The following PSAT1 variants were observed in gnomAD, a reference collection of about 807,000 sequenced individuals.
PSAT1 encodes phosphoserine aminotransferase 1, also known as phosphoserine aminotransferase.
A neutral mutation model predicts 40.3 loss-of-function variants in PSAT1; 41 were observed. That is an observed-to-expected ratio of 1.02 (90% CI 0.79 to 1.32). PSAT1 has a LOEUF of 1.32. Among genes scored for constraint, PSAT1 ranks in the 40% most tolerant of loss-of-function variants. The pLI, the probability that PSAT1 is intolerant of heterozygous loss-of-function variation, is 0.00. For synonymous variants in PSAT1, 147 were observed against 170.5 expected (o/e 0.86, Z 1.07); for missense variants, 406 against 455.8 (o/e 0.89, Z 0.99).
At chr9:78,305,354 A>T (rs1428370206) in intron 4 of PSAT1, among the ~76,000 whole-genome samples, 1 of 152,178 alleles carries the variant, frequency 6.6e-6, no homozygotes, top group Non-Finnish European at 1.5e-5. Context: ...ACCTCAGGTG[A>T]TCCGCCTGCC....
Position 78,297,245 on chromosome 9 carries a change from C to T in PSAT1, c.35C>T (p.Pro12Leu), listed in dbSNP as rs1194662244. 1.2e-6 allele frequency: 2 copies of T among 1,602,018 alleles called. No homozygotes were observed. Among genetic ancestry groups the T allele is most frequent in the East Asian group, 2.2e-5 (1 of 44,684 alleles). The change falls in exon 1 of 9, where the codon CCT becomes CTT. Residue 12 changes from proline (P) to leucine (L), a missense_variant. Pro to Leu is a moderately conservative substitution (Grantham distance 98). Coordinates refer to ENST00000376588, the MANE Select transcript of PSAT1 (RefSeq NM_058179.4). ...CCCAGGCAGGTGGTCAACTTTGGGCCTGGTCCCGCCAAGCTGCCGCACTCA... is the reference window on the plus strand; with the variant it reads ...CCCAGGCAGGTGGTCAACTTTGGGCTTGGTCCCGCCAAGCTGCCGCACTCA... ...DAPRQVVNFG[P>L]GPAKLPHSVL...
At position 78,318,772 on chromosome 9, in the gene PSAT1, C is replaced by T. The variant is rs368856451; in HGVS notation, c.869+968C>T. ...TGACATCTGCAAAGTCCTTTTTTTC[C>T]AAATAGGTCATATTCACAGATTCTG... On this transcript the variant is annotated intron_variant, in intron 7 of 8. Transcript: ENST00000376588. Among the ~76,000 whole-genome samples the T allele has an allele frequency of 2.6e-5, 4 of 151,964 alleles. No individual in the cohort carries two copies. The East Asian group carries it at 5.8e-4, about 22-fold the overall frequency.
intron 1 of PSAT1, 102 bp downstream of exon 1, chr9:78,297,372 C>A: frequency 7.6e-7 from 1 of 1,321,110 alleles, no homozygotes; most frequent in Non-Finnish European, 1.1e-6. Flanking sequence ...CCGCTCCCTG[C>A]CTTGAGTCCC....
At chr9:78,324,668 A>G (rs1828472597) in intron 7 of PSAT1, among the ~76,000 whole-genome samples, 1 of 152,186 alleles carries the variant, frequency 6.6e-6, no homozygotes, top group Non-Finnish European at 1.5e-5. Context: ...GAAGATACTT[A>G]GAGATCTGGT....
Position 78,306,309 on chromosome 9 carries a change from G to C in PSAT1, c.398-5G>C, listed in dbSNP as rs763918786. 6 of 1,612,072 alleles carry C rather than the reference G, an allele frequency of 3.7e-6. No homozygotes were observed. Among genetic ancestry groups the C allele is most frequent in the Non-Finnish European group, 5.1e-6 (6 of 1,179,862 alleles). On this transcript the variant is annotated splice_region_variant and splice_polypyrimidine_tract_variant and intron_variant, in intron 4 of 8. Transcript: ENST00000376588. The stretch of plus-strand genomic sequence containing the variant: ...GCAAAGTCTCAAACTTGTCTTCTGT[G>C]ATAGAAATTCCAGATCCAAGCACCT...
At position 78,306,501 on chromosome 9, in the gene PSAT1, G is replaced by A. The variant is rs776521035; in HGVS notation, c.570+15G>A. 6.2e-7 allele frequency: 1 copy of A among 1,613,994 alleles called. No individual in the cohort carries two copies. Among genetic ancestry groups the A allele is most frequent in the African/African-American group, 1.3e-5 (1 of 74,918 alleles). On this transcript the variant is annotated intron_variant, in intron 5 of 8. Transcript: ENST00000376588. ...ATGTTTCCAAGGTAGAGTATAAAAG[G>A]CAGGGTGAGGGGAACCCACTGACTC...
At chr9:78,306,637 C>A in intron 5 of PSAT1, 151 bp downstream of exon 5, 1 of 964,184 alleles carries the variant, frequency 1.0e-6, no homozygotes, top group Non-Finnish European at 1.7e-6. Context: ...CTGCCAGGTG[C>A]GAATTCCCAG....
rs150459566 is a variant in PSAT1, at chr9:78,310,109, G to C, written c.740+1526G>C. The stretch of plus-strand genomic sequence containing the variant: ...CTCAGCAGGAGCAGACACAAGGGAA[G>C]AGCTGGAGTTTGTAGATTTATCTTT... On this transcript the variant is annotated intron_variant, in intron 6 of 8. Coordinates refer to ENST00000376588, the MANE Select transcript of PSAT1 (RefSeq NM_058179.4). Among the ~76,000 whole-genome samples the C allele has an allele frequency of 1.8e-4, 27 of 152,322 alleles. 1 individual carries two copies. The East Asian group carries it at 5.0e-3, about 28-fold the overall frequency.
At chr9:78,297,892 A>T (rs1370896704) in intron 1 of PSAT1, among the ~76,000 whole-genome samples, 1 of 152,160 alleles carries the variant, frequency 6.6e-6, no homozygotes, top group Admixed American at 6.5e-5. Context: ...TGTAAATTTG[A>T]AAACCTTCAG....
intron 6 of PSAT1, among the ~76,000 whole-genome samples, chr9:78,314,703 G>A (rs1465149968): frequency 6.6e-6 from 1 of 152,132 alleles, no homozygotes; most frequent in East Asian, 1.9e-4. Context: ...CATTAAGAAA[G>A]CCAGAGATCA....
At chr9:78,320,366 A>C (rs1587645419) in intron 7 of PSAT1, among the ~76,000 whole-genome samples, 1 of 145,088 alleles carries the variant, frequency 6.9e-6, no homozygotes, top group Non-Finnish European at 1.5e-5. Flanking sequence ...CCATCTGCCC[A>C]CCCATCCATC....
chr9:78,316,349 G>T (rs1201657571), intron 6 of PSAT1, among the ~76,000 whole-genome samples: 2 of 152,164 alleles, frequency 1.3e-5, no homozygotes, highest in Non-Finnish European at 2.9e-5. Context: ...TCCTCCATCT[G>T]CTCTCCACTT....
chr9:78,321,240 C>A (rs1418058156), intron 7 of PSAT1, among the ~76,000 whole-genome samples: 2 of 152,102 alleles, frequency 1.3e-5, no homozygotes, highest in South Asian at 2.1e-4. Flanking sequence ...TCCCACCACC[C>A]CCTCAGTTGC....
intron 6 of PSAT1, among the ~76,000 whole-genome samples, chr9:78,315,131 T>C (rs563269767): frequency 1.3e-5 from 2 of 152,334 alleles, no homozygotes; most frequent in South Asian, 4.1e-4. Flanking sequence ...TGTGCTGGAC[T>C]TGGCCACTGT....
At chr9:78,326,280 T>G (rs1317295610) in intron 7 of PSAT1, among the ~76,000 whole-genome samples, 1 of 152,196 alleles carries the variant, frequency 6.6e-6, no homozygotes, top group Non-Finnish European at 1.5e-5. Context: ...GAGGATATAC[T>G]TGAGCAAAGG....
At chr9:78,320,878 C>G (rs565461953) in intron 7 of PSAT1, among the ~76,000 whole-genome samples, 9 of 152,260 alleles carry the variant, frequency 5.9e-5, no homozygotes, top group African/African-American at 1.7e-4. Context: ...GCTTTTAGCT[C>G]TATACATTTC....
At chr9:78,317,371 G>T (rs1828360729) in intron 6 of PSAT1, among the ~76,000 whole-genome samples, 1 of 152,110 alleles carries the variant, frequency 6.6e-6, no homozygotes, top group Admixed American at 6.6e-5. Context: ...TCCCTGCTCT[G>T]CCTCCCAAGT....
chr9:78,308,270 T>C (rs1564014593), intron 5 of PSAT1, 144 bp from the exon 6 acceptor site: 1 of 928,922 alleles, frequency 1.1e-6, no homozygotes. Flanking sequence ...CACATGGAGA[T>C]TGCTTTAGAG....
intron 1 of PSAT1, among the ~76,000 whole-genome samples, chr9:78,297,702 T>C (rs1828046842): frequency 6.6e-6 from 1 of 152,158 alleles, no homozygotes; most frequent in South Asian, 2.1e-4. Context: ...AGCGGATGCA[T>C]GAATGGACAT....
Sources: gnomAD v4.1 joint callset for allele counts (sites outside exome capture counted in the v4.1 genomes callset) on GRCh38, gnomAD v4.1.1 for gene constraint, MANE v1.5 for transcripts, NCBI Gene and HGNC (gene_info 2026-07-23, HGNC 2026-07-21) for gene names.